The following CFAP77 variants were observed in gnomAD, a reference collection of about 807,000 sequenced individuals.
CFAP77 encodes cilia and flagella associated protein 77.
Under a neutral mutation model 31.1 loss-of-function variants are expected in CFAP77, and 25 were observed. The ratio of observed to expected loss-of-function variants is 0.80; its 90% CI spans 0.59 to 1.12. The LOEUF (loss-of-function observed/expected upper bound fraction) is 1.12. Among genes scored for constraint, CFAP77 ranks in the 50% most tolerant of loss-of-function variants. CFAP77 has a pLI of 0.00. For synonymous variants in CFAP77, 151 were observed against 159.9 expected (o/e 0.94, Z 0.42); for missense variants, 377 against 397.3 (o/e 0.95, Z 0.44).
rs945628982 is a variant in CFAP77 at position 132,415,419 on chromosome 9, G to A, written c.195+4953G>A. ...AGAAAGCCGAGCTGCCCCCTTCACCGGCTCGTCACCACCCTGGGGCAGCCA... is the reference window on the plus strand; with the variant it reads ...AGAAAGCCGAGCTGCCCCCTTCACCAGCTCGTCACCACCCTGGGGCAGCCA... On this transcript the variant is annotated intron_variant, in intron 1 of 5. Transcript: ENST00000393216. Among the ~76,000 whole-genome samples the A allele has an allele frequency of 3.9e-4, 60 of 152,158 alleles. 1 individual carries two copies. Among genetic ancestry groups the A allele is most frequent in the Admixed American group, 3.9e-3 (59 of 15,278 alleles).
chr9:132,432,859 A>G (rs981238082), intron 1 of CFAP77, among the ~76,000 whole-genome samples: 1 of 151,160 alleles, frequency 6.6e-6, no homozygotes, highest in Admixed American at 6.6e-5. Flanking sequence ...GACTACAGGC[A>G]CCCGCCACCA....
chr9:132,562,186 T>C (rs531144950), intron 5 of CFAP77, among the ~76,000 whole-genome samples: 1 of 152,324 alleles, frequency 6.6e-6, no homozygotes, highest in Non-Finnish European at 1.5e-5. Context: ...AGTTATCCTT[T>C]CTAAACTGTG....
Position 132,517,061 on chromosome 9 carries a change from C to T in CFAP77, c.524+17461C>T, listed in dbSNP as rs974104820. Among the ~76,000 whole-genome samples, 1 of 152,160 alleles carries T rather than the reference C, an allele frequency of 6.6e-6. No individual in the cohort carries two copies. The highest frequency in any genetic ancestry group is 2.4e-5 in the African/African-American group (1 of 41,438). ...CGAGGGCGGTCTTCAGAAACCCCAT[C>T]CGGCAGGTGGAGAGGGTGGATCTCC... On this transcript the variant is annotated intron_variant, in intron 3 of 5. Transcript: ENST00000393216. The surrounding 1 kb of genome is among the most constrained non-coding windows in gnomAD (Gnocchi z 4.7).
intron 1 of CFAP77, among the ~76,000 whole-genome samples, chr9:132,449,065 G>A (rs150232845): frequency 6.6e-6 from 1 of 152,304 alleles, no homozygotes; most frequent in East Asian, 1.9e-4. Context: ...GTCAGAGAAA[G>A]CTTCACAGAG....
At chr9:132,450,183 C>G (rs1261604087) in intron 1 of CFAP77, among the ~76,000 whole-genome samples, 9 of 151,578 alleles carry the variant, frequency 5.9e-5, no homozygotes, top group South Asian at 4.2e-4. Flanking sequence ...GCCCGCCTCG[C>G]CCTCCCAAAG....
At chr9:132,563,164 G>T (rs1417907818) in intron 5 of CFAP77, among the ~76,000 whole-genome samples, 7 of 151,918 alleles carry the variant, frequency 4.6e-5, no homozygotes. Flanking sequence ...GACCACAGGT[G>T]GATGCAACCA....
intron 3 of CFAP77, among the ~76,000 whole-genome samples, chr9:132,530,305 T>G (rs1457947760): frequency 1.3e-5 from 2 of 151,286 alleles, no homozygotes; most frequent in Admixed American, 1.3e-4. Flanking sequence ...GGAGTCTCTC[T>G]CTCTCTGTCA....
chr9:132,443,811 C>T (rs1223814462), intron 1 of CFAP77, among the ~76,000 whole-genome samples: 1 of 152,176 alleles, frequency 6.6e-6, no homozygotes, highest in African/African-American at 2.4e-5. Flanking sequence ...ATGCATGGGG[C>T]TTCTGGCCAC....
chr9:132,514,138 C>G (rs142128885), intron 3 of CFAP77, among the ~76,000 whole-genome samples: 1 of 151,788 alleles, frequency 6.6e-6, no homozygotes, highest in Non-Finnish European at 1.5e-5. Flanking sequence ...GATCCCCCTC[C>G]CCTGTGTCCC....
intron 5 of CFAP77, among the ~76,000 whole-genome samples, chr9:132,561,661 A>ACACAC (rs1247071368): frequency 6.5e-5 from 3 of 46,484 alleles, no homozygotes; most frequent in African/African-American, 3.0e-4. Flanking sequence ...ACACACACAC[A>ACACAC]CCCCCTCCAT....
intron 1 of CFAP77, among the ~76,000 whole-genome samples, chr9:132,469,899 G>A (rs2131734352): frequency 6.6e-6 from 1 of 150,996 alleles, no homozygotes; most frequent in South Asian, 2.1e-4. Context: ...GAGTGCAATG[G>A]TGTGATCACG....
chr9:132,529,890 T>G (rs899346161), intron 3 of CFAP77, among the ~76,000 whole-genome samples: 33 of 151,960 alleles, frequency 2.2e-4, no homozygotes, highest in Admixed American at 1.2e-3. Context: ...GGAGTGGCTG[T>G]GCCATTTTCC....
intron 1 of CFAP77, among the ~76,000 whole-genome samples, chr9:132,432,766 T>A (rs761063774): frequency 2.0e-5 from 3 of 152,074 alleles, no homozygotes; most frequent in Non-Finnish European, 4.4e-5. Context: ...TGGGCTGGAG[T>A]GCAGTGGCGC....
chr9:132,476,783 C>T (rs908425113), intron 1 of CFAP77, among the ~76,000 whole-genome samples: 14 of 152,160 alleles, frequency 9.2e-5, no homozygotes, highest in African/African-American at 2.9e-4. Flanking sequence ...CCAGCAACCA[C>T]CAGCAGCCGG....
At chr9:132,470,172 C>T (rs536998337) in intron 1 of CFAP77, among the ~76,000 whole-genome samples, 55 of 152,208 alleles carry the variant, frequency 3.6e-4, no homozygotes, top group African/African-American at 1.2e-3. Context: ...GTGGTCTTTT[C>T]GAAGCCATCT....
At chr9:132,516,411 G>C (rs1852147435) in intron 3 of CFAP77, among the ~76,000 whole-genome samples, 1 of 152,070 alleles carries the variant, frequency 6.6e-6, no homozygotes, top group Non-Finnish European at 1.5e-5. Flanking sequence ...AGTAGTTCCT[G>C]TCTAGTAGGT....
chr9:132,503,371 G>A (rs1851886442), intron 3 of CFAP77, among the ~76,000 whole-genome samples: 1 of 152,190 alleles, frequency 6.6e-6, no homozygotes, highest in Non-Finnish European at 1.5e-5. Context: ...CCATGCTGGT[G>A]ACCAAGTGTC....
In CFAP77 at chr9:132,539,207, T is replaced by C. The variant is rs1291371754; in HGVS notation, c.630+1501T>C. 6.6e-6 allele frequency among the ~76,000 whole-genome samples: 1 copy of C among 152,154 alleles called. No homozygotes were observed. The highest frequency in any genetic ancestry group is 6.6e-5 in the Admixed American group (1 of 15,262). On this transcript the variant is annotated intron_variant, in intron 4 of 5. Coordinates refer to ENST00000393216, the MANE Select transcript of CFAP77 (RefSeq NM_001282957.2). This position sits in a 1 kb window ranked among gnomAD's most constrained non-coding sequence, Gnocchi z 4.3. ...CTCGGCAGTAGGTCCAGACTGACGA[T>C]GGTAAAATCAGAATCACTCTATGTT...
chr9:132,451,419 G>A (rs10429632), intron 1 of CFAP77, among the ~76,000 whole-genome samples: 14,473 of 151,976 alleles, frequency 0.095, 723 homozygotes, highest in African/African-American at 0.14. Flanking sequence ...TTTAGCGCTG[G>A]TGGTTTTAAC....
Sources: gnomAD v4.1 joint callset for allele counts (sites outside exome capture counted in the v4.1 genomes callset) on GRCh38, gnomAD v4.1.1 for gene constraint, Gnocchi (gnomAD v3.1) non-coding constraint, MANE v1.5 for transcripts, NCBI Gene and HGNC (gene_info 2026-07-23, HGNC 2026-07-21) for gene names.